RGMA: variants seen among roughly 807,000 people sequenced by gnomAD.
RGMA encodes the protein repulsive guidance molecule A.
A neutral mutation model predicts 23.2 loss-of-function variants in RGMA; 10 were observed. The observed-to-expected ratio is 0.43, with a 90% confidence interval of 0.27 to 0.73. RGMA has a LOEUF of 0.73. Among genes scored for constraint, RGMA ranks in the 30% least tolerant of loss-of-function variants. The pLI is 0.20. For missense variants in RGMA, 547 were observed against 630.5 expected (o/e 0.87, Z 1.42); for synonymous variants, 308 against 279.3 (o/e 1.10, Z -1.03).
intron 2 of RGMA, among the ~76,000 whole-genome samples, chr15:93,072,528 A>G (rs1231406894): frequency 6.6e-6 from 1 of 152,006 alleles, no homozygotes. Context: ...CAGGTTTGCA[A>G]ACTGCTGGGC....
In RGMA at chr15:93,043,981, G is replaced by A. The variant is rs2054769121; in HGVS notation, c.*1017C>T. On this transcript the variant is annotated 3_prime_UTR_variant, in exon 4 of 4. Coordinates refer to ENST00000329082, the MANE Select transcript of RGMA (RefSeq NM_020211.3). ...GGCTGTGTGGCCACAGGGCTTAAGG[G>A]AAGAGATTAGAGGTTGAAGACCCTG... 1 of 152,458 alleles carries A rather than the reference G, an allele frequency of 6.6e-6. No individual in the cohort carries two copies. The highest frequency in any genetic ancestry group is 2.4e-5 in the African/African-American group (1 of 41,456). 9.4% of individuals were successfully genotyped at this position (152,458 alleles called of 1,614,324 possible). A position where few individuals can be genotyped will look rare whatever the true frequency, so the allele number is the denominator to read the frequency against.
chr15:93,057,484 G>T (rs958358398), intron 2 of RGMA, among the ~76,000 whole-genome samples: 1 of 152,134 alleles, frequency 6.6e-6, no homozygotes, highest in Non-Finnish European at 1.5e-5. Flanking sequence ...GAGCCGGGAG[G>T]AGGGCCCTCT....
In RGMA at chr15:93,043,481, G is replaced by C. The variant is rs1187517439; in HGVS notation, c.*1517C>G. 2 of 152,490 alleles carry C rather than the reference G, an allele frequency of 1.3e-5. No homozygotes were observed. Among genetic ancestry groups the C allele is most frequent in the Non-Finnish European group, 2.9e-5 (2 of 68,046 alleles). 9.4% of individuals were successfully genotyped at this position (152,490 alleles called of 1,614,324 possible). A position where few individuals can be genotyped will look rare whatever the true frequency, so the allele number is the denominator to read the frequency against. Reference sequence around the variant, plus strand: ...AAATAATTTACAGTATGTACACGCGGTGACACTCCACACAGGTCGCAGACA... The same window carrying C: ...AAATAATTTACAGTATGTACACGCGCTGACACTCCACACAGGTCGCAGACA... On this transcript the variant is annotated 3_prime_UTR_variant, in exon 4 of 4. Coordinates refer to ENST00000329082, the MANE Select transcript of RGMA (RefSeq NM_020211.3).
In RGMA at chr15:93,044,278, C is replaced by T. The variant is rs1015545843; in HGVS notation, c.*720G>A. ...GAACCAAGCACTTCGACTTTCTAAG[C>T]ACAGGGTGGAAGGGGCAGGGGCCCA... is the stretch of plus-strand genomic sequence containing the variant. On this transcript the variant is annotated 3_prime_UTR_variant, in exon 4 of 4. Coordinates refer to ENST00000329082, the MANE Select transcript of RGMA (RefSeq NM_020211.3). 6.6e-6 allele frequency: 1 copy of T among 152,494 alleles called. No homozygotes were observed. The highest frequency in any genetic ancestry group is 1.5e-5 in the Non-Finnish European group (1 of 68,220). The allele number at this position is 152,494 out of a possible 1,614,324, so 9.4% of individuals were successfully genotyped here.
intron 3 of RGMA, among the ~76,000 whole-genome samples, chr15:93,050,709 C>T (rs56365918): frequency 0.28 from 42,347 of 152,056 alleles, 6,361 homozygotes; most frequent in South Asian, 0.35. Context: ...TTGGTGCTTC[C>T]ACCCCCTGGG....
chr15:93,069,774 C>G (rs1187831770), intron 2 of RGMA, among the ~76,000 whole-genome samples: 1 of 152,192 alleles, frequency 6.6e-6, no homozygotes, highest in Non-Finnish European at 1.5e-5. Flanking sequence ...TGCTGCTGGT[C>G]CAGGGACCAC....
intron 1 of RGMA, among the ~76,000 whole-genome samples, chr15:93,087,750 G>C (rs1425085422): frequency 1.3e-5 from 2 of 152,112 alleles, no homozygotes; most frequent in African/African-American, 2.4e-5. Context: ...GTTTTTGCTG[G>C]AAGAGTCTAA....
Position 93,043,299 on chromosome 15 carries a change from T to TGCGCGCACACACACAC in RGMA, c.*1683_*1698dup, listed in dbSNP as rs2054753268. ...ATACACACATGCGCGCACACACACA[T>TGCGCGCACACACACAC]GCGCGCACACACACACACTTGCTGC... On this transcript the variant is annotated 3_prime_UTR_variant, in exon 4 of 4. Transcript: ENST00000329082. 7.4e-6 allele frequency: 1 copy of TGCGCGCACACACACAC among 135,350 alleles called. No individual in the cohort carries two copies. Among genetic ancestry groups the TGCGCGCACACACACAC allele is most frequent in the African/African-American group, 2.7e-5 (1 of 37,208 alleles). 8.4% of individuals were successfully genotyped at this position (135,350 alleles called of 1,614,324 possible).
chr15:93,081,002 C>A (rs1044504258), intron 1 of RGMA, among the ~76,000 whole-genome samples: 1 of 152,186 alleles, frequency 6.6e-6, no homozygotes, highest in Admixed American at 6.5e-5. Flanking sequence ...AAACCCAGTA[C>A]AAAAGCAATA....
At chr15:93,065,706 GC>G in intron 2 of RGMA, 2 of 1,194,662 alleles carry the variant, frequency 1.7e-6, no homozygotes, top group Non-Finnish European at 2.4e-6. Context: ...GGTTTCGTGG[GC>G]CCTGGGGCTC....
At position 93,043,283 on chromosome 15, in the gene RGMA, TGCGC is replaced by T. The variant is rs2054752477; in HGVS notation, c.*1711_*1714del. The T allele has an allele frequency of 2.3e-4, 9 of 38,448 alleles. No homozygotes were observed. Among genetic ancestry groups the T allele is most frequent in the African/African-American group, 6.2e-4 (7 of 11,288 alleles). The allele number at this position is 38,448 out of a possible 1,614,324, so 2.4% of individuals were successfully genotyped here. A position where few individuals can be genotyped will look rare whatever the true frequency, so the allele number is the denominator to read the frequency against. ...ACACACACAGGCATGCATACACACATGCGCGCACACACACATGCGCGCACACACA... is the reference window on the plus strand; with the variant it reads ...ACACACACAGGCATGCATACACACATGCACACACACATGCGCGCACACACA... On this transcript the variant is annotated 3_prime_UTR_variant, in exon 4 of 4. Coordinates refer to ENST00000329082, the MANE Select transcript of RGMA (RefSeq NM_020211.3).
chr15:93,073,667 A>C, intron 1 of RGMA: 1 of 1,537,136 alleles, frequency 6.5e-7, no homozygotes, highest in South Asian at 1.2e-5. Context: ...CCCACTTCCG[A>C]GTTGTCTAGG....
At position 93,051,719 on chromosome 15, in the gene RGMA, G is replaced by A. The variant is rs1462080972; in HGVS notation, c.645+274C>T. Among the ~76,000 whole-genome samples the A allele has an allele frequency of 2.6e-5, 4 of 152,304 alleles. No homozygotes were observed. In the East Asian group the frequency reaches 5.8e-4, roughly 22 times the overall value. On this transcript the variant is annotated intron_variant, in intron 3 of 3. Coordinates refer to ENST00000329082, the MANE Select transcript of RGMA (RefSeq NM_020211.3). ...CTAGCTCAGCATTCCAGCTGACTAC[G>A]CACTTGGGGTGGGAAGGTCACTTGG... is the stretch of plus-strand genomic sequence containing the variant.
Position 93,088,965 on chromosome 15 carries a change from CG to C in RGMA, c.-34del. The C allele has an allele frequency of 7.3e-7, 1 of 1,371,610 alleles. No homozygotes were observed. 85.0% of individuals were successfully genotyped at this position (1,371,610 alleles called of 1,614,324 possible). On this transcript the variant is annotated 5_prime_UTR_variant, in exon 1 of 4. Transcript: ENST00000329082. ...TGCGGCCCGCGGGGGGTGGCGCTGG[CG>C]GGGCTGCGGGAGAAGAGGGGGTGTC...
chr15:93,073,562 A>G lies in RGMA; in HGVS notation c.15-531T>C, dbSNP rs1160171204. On this transcript the variant is annotated intron_variant, in intron 1 of 3. Transcript: ENST00000329082. ...GTCCTTGGAGGCAAATCCCAGCCCT[A>G]CTTTCCAACCAGACTGCCGACCCCA... 7 of 1,528,234 alleles carry G rather than the reference A, an allele frequency of 4.6e-6. No individual in the cohort carries two copies. In the East Asian group the frequency reaches 1.2e-4, roughly 27 times the overall value. The allele number at this position is 1,528,234 out of a possible 1,614,324, so 94.7% of individuals were successfully genotyped here. A position where few individuals can be genotyped will look rare whatever the true frequency, so the allele number is the denominator to read the frequency against.
chr15:93,045,360 G>A lies in RGMA; in HGVS notation c.991C>T (p.His331Tyr), dbSNP rs200420138. 232 of 1,612,428 alleles carry A rather than the reference G, an allele frequency of 1.4e-4. No individual in the cohort carries two copies. Among genetic ancestry groups the A allele is most frequent in the Non-Finnish European group, 1.8e-4 (215 of 1,179,648 alleles). ...GCACCGGTGCCCTCAGCATTGGTGTGGAAGGCCTGGAAGTCGATCTGCTGG... is the reference window on the plus strand; with the variant it reads ...GCACCGGTGCCCTCAGCATTGGTGTAGAAGGCCTGGAAGTCGATCTGCTGG... ...LNQQIDFQAF[H>Y]TNAEGTGARR... The change falls in exon 4 of 4, where the codon CAC (histidine) becomes TAC (tyrosine). Residue 331 changes from histidine to tyrosine, a missense_variant. His to Tyr is a moderately conservative substitution (Grantham distance 83). Transcript: ENST00000329082. The surrounding 1 kb of genome is among the most constrained non-coding windows in gnomAD (Gnocchi z 6.9).
At chr15:93,072,871 C>T (rs1895376714) in intron 2 of RGMA, 45 bp downstream of exon 2, 3 of 1,561,720 alleles carry the variant, frequency 1.9e-6, no homozygotes, top group African/African-American at 1.4e-5. Flanking sequence ...CATTGAGGGG[C>T]GGCCCAGGGA....
chr15:93,068,844 C>T (rs1180156418), intron 2 of RGMA, among the ~76,000 whole-genome samples: 1 of 152,132 alleles, frequency 6.6e-6, no homozygotes, highest in African/African-American at 2.4e-5. Flanking sequence ...TAAAAGGGAC[C>T]CCACAGAGTG....
At chr15:93,079,067 C>A (rs1386822639) in intron 1 of RGMA, among the ~76,000 whole-genome samples, 2 of 152,270 alleles carry the variant, frequency 1.3e-5, no homozygotes, top group Admixed American at 6.5e-5. Context: ...GTCTTCATTT[C>A]ATCCCAAAGC....
Sources: allele counts gnomAD v4.1 joint callset (sites outside exome capture counted in the v4.1 genomes callset), GRCh38; gene constraint gnomAD v4.1.1; non-coding constraint Gnocchi (gnomAD v3.1); transcripts MANE v1.5; gene names NCBI Gene and HGNC (gene_info 2026-07-23, HGNC 2026-07-21).